PTPRJ: variants seen among roughly 807,000 people sequenced by gnomAD.
The protein encoded by PTPRJ is receptor-type tyrosine-protein phosphatase eta.
PTPRJ carries 129 observed loss-of-function variants against 141.3 expected under a neutral mutation model. The observed-to-expected ratio is 0.91, with a 90% confidence interval of 0.79 to 1.06. The LOEUF is 1.06. PTPRJ is among the 50% of genes least tolerant of loss of function. PTPRJ has a pLI of 0.00. For synonymous variants in PTPRJ, 610 were observed against 640.5 expected, an observed-to-expected ratio of 0.95 and a Z score of 0.72; for missense variants, 1,601 against 1,679.7, an observed-to-expected ratio of 0.95 and a Z score of 0.82.
At position 48,150,247 on chromosome 11, in the gene PTPRJ, G is replaced by T. The variant is rs1335375180; in HGVS notation, c.3138+64G>T. ...TCCAACCCAAGCTGGGATCTGAGGG[G>T]AGTTGGTGGATGGGTGGCAGGTAGC... On this transcript the variant is annotated intron_variant, in intron 18 of 24. Coordinates refer to ENST00000418331, the MANE Select transcript of PTPRJ (RefSeq NM_002843.4). The T allele has an allele frequency of 5.0e-6, 7 of 1,400,232 alleles. No homozygotes were observed. In the South Asian group the frequency reaches 5.9e-5, roughly 12 times the overall value. The allele number at this position is 1,400,232 out of a possible 1,614,324, so 86.7% of individuals were successfully genotyped here.
At position 48,009,978 on chromosome 11, in the gene PTPRJ, C is replaced by T. The variant is rs527735070; in HGVS notation, c.96+28970C>T. ...TTATTTGGGTTGGCATGTAGTGCAGCGTTTCTGGACATACATACTCTGGGG... is the reference window on the plus strand; with the variant it reads ...TTATTTGGGTTGGCATGTAGTGCAGTGTTTCTGGACATACATACTCTGGGG... On this transcript the variant is annotated intron_variant, in intron 1 of 24. Transcript: ENST00000418331. 5.9e-5 allele frequency among the ~76,000 whole-genome samples: 9 copies of T among 152,298 alleles called. No homozygotes were observed. In the South Asian group the frequency reaches 1.7e-3, roughly 28 times the overall value.
chr11:47,986,638 T>C (rs1854057991), intron 1 of PTPRJ, among the ~76,000 whole-genome samples: 1 of 152,208 alleles, frequency 6.6e-6, no homozygotes. Context: ...TGCCTTAGTC[T>C]CCTGAGTAGC....
At chr11:48,095,183 G>C (rs1256213124) in intron 1 of PTPRJ, among the ~76,000 whole-genome samples, 2 of 152,220 alleles carry the variant, frequency 1.3e-5, no homozygotes, top group Non-Finnish European at 1.5e-5. Context: ...AGCACACACA[G>C]AGTCCTGTTG....
chr11:48,137,075 A>G lies in PTPRJ; in HGVS notation c.1946A>G (p.Asp649Gly). 1.2e-6 allele frequency: 2 copies of G among 1,604,182 alleles called. No individual in the cohort carries two copies. The highest frequency in any genetic ancestry group is 1.7e-6 in the Non-Finnish European group (2 of 1,170,896). ...TAATLSWQNF[D>G]DASPTYSYCL... ...GCAACTTTAAGTTGGCAGAACTTTG[A>G]TGACGCCTCTCCCACGTACTCCTAC... is the stretch of plus-strand genomic sequence containing the variant. Residue 649 changes from aspartate to glycine, a missense_variant, in exon 10 of 25, where the codon GAT (aspartate) becomes GGT (glycine). Coordinates refer to ENST00000418331, the MANE Select transcript of PTPRJ (RefSeq NM_002843.4).
chr11:48,162,152 A>G (rs1005775418), intron 22 of PTPRJ, among the ~76,000 whole-genome samples: 1 of 152,194 alleles, frequency 6.6e-6, no homozygotes, highest in African/African-American at 2.4e-5. Flanking sequence ...AGGACACCAC[A>G]TGGCATTTAG....
intron 24 of PTPRJ, among the ~76,000 whole-genome samples, chr11:48,164,746 A>G (rs914959875): frequency 1.3e-5 from 2 of 151,882 alleles, no homozygotes; most frequent in Non-Finnish European, 1.5e-5. Flanking sequence ...TTGTAATTTT[A>G]GTAGAGACGG....
At chr11:48,019,024 G>C (rs933178599) in intron 1 of PTPRJ, among the ~76,000 whole-genome samples, 21 of 152,080 alleles carry the variant, frequency 1.4e-4, no homozygotes, top group Admixed American at 1.3e-4. Flanking sequence ...TGTGTGTTGT[G>C]TGTGTGTGTC....
intron 1 of PTPRJ, among the ~76,000 whole-genome samples, chr11:48,099,986 G>A (rs1055436225): frequency 1.3e-5 from 2 of 152,116 alleles, no homozygotes; most frequent in African/African-American, 4.8e-5. Context: ...GCCCACCCTT[G>A]GACTTTCTTG....
chr11:48,150,202 T>G lies in PTPRJ; in HGVS notation c.3138+19T>G, dbSNP rs1206140712. On this transcript the variant is annotated intron_variant, in intron 18 of 24. Transcript: ENST00000418331. ...ATACGAAGTATGTTGCTGTAAATAC[T>G]GTTTTTAATTGTGTCAGGTTCCAAC... 1 of 1,602,552 alleles carries G rather than the reference T, an allele frequency of 6.2e-7. No homozygotes were observed.
chr11:48,092,121 C>T (rs777799984), intron 1 of PTPRJ, among the ~76,000 whole-genome samples: 1 of 151,538 alleles, frequency 6.6e-6, no homozygotes, highest in South Asian at 2.1e-4. Flanking sequence ...TATAGTGAAA[C>T]CCCAACTCTA....
intron 3 of PTPRJ, among the ~76,000 whole-genome samples, chr11:48,116,864 G>C (rs1040593528): frequency 6.6e-6 from 1 of 152,166 alleles, no homozygotes; most frequent in Non-Finnish European, 1.5e-5. Context: ...AAAATATCTT[G>C]AGACAAACAT....
chr11:48,075,726 C>T (rs1482041880), intron 1 of PTPRJ, among the ~76,000 whole-genome samples: 1 of 152,198 alleles, frequency 6.6e-6, no homozygotes, highest in African/African-American at 2.4e-5. Flanking sequence ...GGCCACCACA[C>T]CTGTCCTGTG....
At chr11:48,157,714 A>AG (rs1242730634) in intron 21 of PTPRJ, among the ~76,000 whole-genome samples, 1 of 152,224 alleles carries the variant, frequency 6.6e-6, no homozygotes, top group African/African-American at 2.4e-5. Context: ...ATCCTGTGCT[A>AG]GGGGCTGAGG....
At position 48,039,136 on chromosome 11, in the gene PTPRJ, C is replaced by G. The variant is rs1473247360; in HGVS notation, c.96+58128C>G. On this transcript the variant is annotated intron_variant, in intron 1 of 24. Transcript: ENST00000418331. ...CTGCACTCCAGCCTGGGTGACAGAG[C>G]GAGAGTCTGTCTCAAAAAAAAAAAA... Among the ~76,000 whole-genome samples the G allele has an allele frequency of 1.3e-4, 19 of 143,268 alleles. No homozygotes were observed. In the Admixed American group the frequency reaches 1.3e-3, roughly 10 times the overall value. The allele number at this position is 143,268 out of a possible 152,430, so 94.0% of individuals were successfully genotyped here.
At position 47,980,992 on chromosome 11, in the gene PTPRJ, T is replaced by C. The variant is rs1422431894; in HGVS notation, c.80T>C (p.Leu27Pro). 5.2e-6 allele frequency: 6 copies of C among 1,143,446 alleles called. No individual in the cohort carries two copies. Among genetic ancestry groups the C allele is most frequent in the Non-Finnish European group, 6.4e-6 (6 of 933,894 alleles). 70.8% of individuals were successfully genotyped at this position (1,143,446 alleles called of 1,614,324 possible). Residue 27 changes from leucine to proline, a missense_variant, in exon 1 of 25, where the codon CTG (leucine) becomes CCG (proline). Leu to Pro is a moderately conservative substitution (Grantham distance 98). Coordinates refer to ENST00000418331, the MANE Select transcript of PTPRJ (RefSeq NM_002843.4). ...LRWALPLLLL[L>P]LRLGQILCAG... ...TGGGCGCTGCCGCTGCTGCTGCTGC[T>C]GCTGCGCCTGGGCCAGGTAAGCGCC...
chr11:47,993,171 A>T (rs1464267472), intron 1 of PTPRJ, among the ~76,000 whole-genome samples: 2 of 152,218 alleles, frequency 1.3e-5, no homozygotes, highest in East Asian at 3.8e-4. Flanking sequence ...GCCTTTAAGT[A>T]GCTGCTTTTC....
chr11:48,056,484 T>C (rs1275962885), intron 1 of PTPRJ, among the ~76,000 whole-genome samples: 1 of 152,216 alleles, frequency 6.6e-6, no homozygotes, highest in Non-Finnish European at 1.5e-5. Context: ...TGGCAGCTAT[T>C]ATCTTAACTA....
At chr11:48,104,406 A>C (rs749915192) in intron 1 of PTPRJ, among the ~76,000 whole-genome samples, 2 of 152,202 alleles carry the variant, frequency 1.3e-5, no homozygotes, top group Non-Finnish European at 2.9e-5. Flanking sequence ...TGCTGCTCCA[A>C]ATCCCATAAA....
intron 1 of PTPRJ, among the ~76,000 whole-genome samples, chr11:48,068,818 C>T (rs1855154039): frequency 6.6e-6 from 1 of 152,168 alleles, no homozygotes. Flanking sequence ...CCTCACTTTG[C>T]TCATGTGTGA....
Sources: allele counts gnomAD v4.1 joint callset (sites outside exome capture counted in the v4.1 genomes callset), GRCh38; gene constraint gnomAD v4.1.1; transcripts MANE v1.5; gene names NCBI Gene and HGNC (gene_info 2026-07-23, HGNC 2026-07-21).